The following PTPRD variants were observed in gnomAD, a reference collection of about 807,000 sequenced individuals.
The protein encoded by PTPRD is receptor-type tyrosine-protein phosphatase delta.
PTPRD carries 34 observed loss-of-function variants against 214.5 expected under a neutral mutation model. The observed-to-expected ratio is 0.16, with a 90% confidence interval of 0.12 to 0.21. The LOEUF (loss-of-function observed/expected upper bound fraction) is 0.21. Ranked by LOEUF, PTPRD falls within the 10% of genes least tolerant of loss-of-function variation. The probability of loss-of-function intolerance (pLI) is 1.00; values close to 1 mark genes in which losing one functional copy is unlikely to be tolerated. For synonymous variants in PTPRD, 1,128 were observed against 845.7 expected (o/e 1.33, Z -5.79); for missense variants, 2,545 against 2,398.7 (o/e 1.06, Z -1.27).
chr9:9,708,384 A>G (rs891380237), intron 7 of PTPRD, among the ~76,000 whole-genome samples: 5 of 152,104 alleles, frequency 3.3e-5, no homozygotes, highest in African/African-American at 4.8e-5. Flanking sequence ...GAGACAGACT[A>G]TATTTCATTT....
chr9:10,438,797 T>G (rs1812735525), intron 2 of PTPRD, among the ~76,000 whole-genome samples: 1 of 151,728 alleles, frequency 6.6e-6, no homozygotes, highest in Admixed American at 6.6e-5. Context: ...GAGCTCAGAT[T>G]TTCATCATCT....
chr9:10,134,413 A>G (rs749593993), intron 3 of PTPRD, among the ~76,000 whole-genome samples: 1 of 152,142 alleles, frequency 6.6e-6, no homozygotes, highest in Non-Finnish European at 1.5e-5. Flanking sequence ...CAACTTCCCA[A>G]TGACTGAACA....
intron 8 of PTPRD, among the ~76,000 whole-genome samples, chr9:9,539,367 G>T (rs628077): frequency 0.16 from 24,374 of 151,624 alleles, 2,119 homozygotes; most frequent in African/African-American, 0.23. Context: ...GAAAGACATC[G>T]TGATAATATG....
intron 4 of PTPRD, among the ~76,000 whole-genome samples, chr9:10,020,055 G>T (rs184940744): frequency 6.6e-6 from 1 of 152,150 alleles, no homozygotes; most frequent in Non-Finnish European, 1.5e-5. Context: ...CTCAGTTTCA[G>T]ATGTTGAAGA....
chr9:9,240,819 T>G (rs1394197673), intron 9 of PTPRD, among the ~76,000 whole-genome samples: 1 of 152,128 alleles, frequency 6.6e-6, no homozygotes, highest in African/African-American at 2.4e-5. Flanking sequence ...ACAACCAAAT[T>G]TTATCAATTT....
intron 2 of PTPRD, among the ~76,000 whole-genome samples, chr9:10,363,191 T>C: frequency 6.6e-6 from 1 of 152,216 alleles, no homozygotes; most frequent in Admixed American, 6.5e-5. Context: ...ATGCAGATTA[T>C]GATTTGGAGG....
At chr9:9,998,139 T>TATAA (rs1253648592) in intron 4 of PTPRD, among the ~76,000 whole-genome samples, 1 of 133,726 alleles carries the variant, frequency 7.5e-6, no homozygotes, top group Non-Finnish European at 1.6e-5. Flanking sequence ...AATATATATA[T>TATAA]ATATATAAAA....
chr9:9,718,401 A>T (rs1386847669), intron 7 of PTPRD, among the ~76,000 whole-genome samples: 2 of 152,154 alleles, frequency 1.3e-5, no homozygotes, highest in Non-Finnish European at 2.9e-5. Flanking sequence ...GGGGAGGTGC[A>T]GCTGGGGCTG....
intron 7 of PTPRD, among the ~76,000 whole-genome samples, chr9:9,590,872 T>C (rs2092655718): frequency 6.6e-6 from 1 of 152,034 alleles, no homozygotes; most frequent in Non-Finnish European, 1.5e-5. Context: ...GCACATGGAT[T>C]TTCACAGAAA....
intron 5 of PTPRD, among the ~76,000 whole-genome samples, chr9:9,873,068 T>C (rs2065909217): frequency 6.6e-6 from 1 of 152,140 alleles, no homozygotes; most frequent in Admixed American, 6.6e-5. Flanking sequence ...GATTAAGATA[T>C]GAAATGTGGA....
intron 9 of PTPRD, among the ~76,000 whole-genome samples, chr9:9,391,987 G>A (rs1220382774): frequency 6.6e-6 from 1 of 152,128 alleles, no homozygotes; most frequent in Non-Finnish European, 1.5e-5. Flanking sequence ...AGAGTAGGGT[G>A]TTGATCCTTA....
intron 7 of PTPRD, among the ~76,000 whole-genome samples, chr9:9,669,104 A>C (rs948605917): frequency 6.6e-6 from 1 of 152,096 alleles, no homozygotes; most frequent in Admixed American, 6.6e-5. Context: ...TATTATTATC[A>C]TTATACTTTA....
At chr9:8,683,659 C>T (rs1226501971) in intron 12 of PTPRD, among the ~76,000 whole-genome samples, 1 of 152,176 alleles carries the variant, frequency 6.6e-6, no homozygotes, top group African/African-American at 2.4e-5. Flanking sequence ...CTTCCACTAG[C>T]AGTGGGGAGT....
chr9:8,429,016 G>C (rs1287701318), intron 35 of PTPRD, among the ~76,000 whole-genome samples: 1 of 152,182 alleles, frequency 6.6e-6, no homozygotes, highest in African/African-American at 2.4e-5. Context: ...ACTATCAGGA[G>C]TGAACAAATT....
At chr9:8,642,471 T>C (rs974319605) in intron 12 of PTPRD, among the ~76,000 whole-genome samples, 1 of 152,200 alleles carries the variant, frequency 6.6e-6, no homozygotes, top group Non-Finnish European at 1.5e-5. Flanking sequence ...AGTGGGAACA[T>C]GCAGGTACCC....
intron 14 of PTPRD, among the ~76,000 whole-genome samples, chr9:8,631,895 G>A (rs1381882248): frequency 6.6e-6 from 1 of 151,652 alleles, no homozygotes; most frequent in African/African-American, 2.4e-5. Context: ...TGTTGGTCAG[G>A]GAATGGGGAA....
intron 7 of PTPRD, among the ~76,000 whole-genome samples, chr9:9,651,320 T>G (rs2096342171): frequency 6.6e-6 from 1 of 152,186 alleles, no homozygotes; most frequent in Non-Finnish European, 1.5e-5. Context: ...AGGGTTTGTT[T>G]TATAGATTAT....
intron 2 of PTPRD, among the ~76,000 whole-genome samples, chr9:10,601,268 TAA>T (rs1161932521): frequency 5.9e-5 from 9 of 151,584 alleles, no homozygotes; most frequent in African/African-American, 1.9e-4. Flanking sequence ...GGCCTTGAAG[TAA>T]AGTTATGGCC....
chr9:10,306,189 G>A (rs1005306202), intron 3 of PTPRD, among the ~76,000 whole-genome samples: 19 of 147,326 alleles, frequency 1.3e-4, no homozygotes, highest in African/African-American at 3.0e-4. Context: ...ACCAAACACC[G>A]CATGTTCCCA....
Sources: gnomAD v4.1 joint callset for allele counts (sites outside exome capture counted in the v4.1 genomes callset) on GRCh38, gnomAD v4.1.1 for gene constraint, MANE v1.5 for transcripts, NCBI Gene and HGNC (gene_info 2026-07-23, HGNC 2026-07-21) for gene names.